Variants in PRKCE observed in about 807,000 individuals in gnomAD.
PRKCE encodes the protein protein kinase C epsilon.
Under a neutral mutation model 85.4 loss-of-function variants are expected in PRKCE, and 16 were observed. The ratio of observed to expected loss-of-function variants is 0.19; its 90% CI spans 0.13 to 0.28. The LOEUF is 0.28. PRKCE is among the 10% of genes least tolerant of loss of function. The pLI, the probability that PRKCE is intolerant of heterozygous loss-of-function variation, is 1.00. For missense variants in PRKCE, 573 were observed against 975.2 expected, an observed-to-expected ratio of 0.59 and a Z score of 5.49; for synonymous variants, 388 against 371.5, an observed-to-expected ratio of 1.04 and a Z score of -0.51.
At chr2:45,735,763 G>A (rs1462641025) in intron 1 of PRKCE, among the ~76,000 whole-genome samples, 2 of 152,220 alleles carry the variant, frequency 1.3e-5, no homozygotes, top group African/African-American at 2.4e-5. Flanking sequence ...AGGAAGGCAA[G>A]CCGGATCCTT....
chr2:46,082,008 T>C (rs1487741969), intron 10 of PRKCE, among the ~76,000 whole-genome samples: 1 of 151,996 alleles, frequency 6.6e-6, no homozygotes, highest in Admixed American at 6.6e-5. Flanking sequence ...GGCAGGAGAA[T>C]CACTTGAACC....
intron 14 of PRKCE, among the ~76,000 whole-genome samples, chr2:46,181,446 C>T (rs1679969746): frequency 6.6e-6 from 1 of 152,178 alleles, no homozygotes; most frequent in Non-Finnish European, 1.5e-5. Flanking sequence ...GGCATACTCT[C>T]TCAAATGCCA....
At chr2:45,781,707 T>C (rs922323912) in intron 1 of PRKCE, among the ~76,000 whole-genome samples, 4 of 152,316 alleles carry the variant, frequency 2.6e-5, no homozygotes, top group Non-Finnish European at 5.9e-5. Context: ...CTGTGTGGTC[T>C]GATCTCTGTG....
At position 45,693,026 on chromosome 2, in the gene PRKCE, T is replaced by A. The variant is rs769653727; in HGVS notation, c.348+40578T>A. Among the ~76,000 whole-genome samples the A allele has an allele frequency of 1.6e-4, 24 of 152,122 alleles. 1 individual carries two copies. Among genetic ancestry groups the A allele is most frequent in the South Asian group, 1.2e-3 (6 of 4,822 alleles). Reference sequence around the variant, plus strand: ...GGAGACTTGAGGCTGACTGAGAGATTCTGCAGGGGGCCAAGGTGGCTCAGG... The same window carrying A: ...GGAGACTTGAGGCTGACTGAGAGATACTGCAGGGGGCCAAGGTGGCTCAGG... On this transcript the variant is annotated intron_variant, in intron 1 of 14. Transcript: ENST00000306156.
At chr2:46,149,060 A>T (rs906473456) in intron 12 of PRKCE, among the ~76,000 whole-genome samples, 6 of 152,222 alleles carry the variant, frequency 3.9e-5, no homozygotes, top group African/African-American at 1.4e-4. Context: ...GAAGATTCTA[A>T]ACTGTGAGTG....
intron 14 of PRKCE, among the ~76,000 whole-genome samples, chr2:46,160,939 C>T (rs1558516309): frequency 6.6e-6 from 1 of 152,318 alleles, no homozygotes; most frequent in East Asian, 1.9e-4. Flanking sequence ...GGTTGAACAT[C>T]CCCGGATGCT....
intron 12 of PRKCE, among the ~76,000 whole-genome samples, chr2:46,149,246 C>A (rs1676371121): frequency 6.6e-6 from 1 of 152,180 alleles, no homozygotes; most frequent in African/African-American, 2.4e-5. Context: ...TTGTCCCCAG[C>A]CTGAGATATT....
At chr2:45,967,514 G>T (rs560897226) in intron 2 of PRKCE, among the ~76,000 whole-genome samples, 5 of 152,262 alleles carry the variant, frequency 3.3e-5, no homozygotes, top group Non-Finnish European at 7.4e-5. Context: ...TTAGGAAGAA[G>T]AACTTCACTT....
At chr2:45,858,181 T>C (rs1388707742) in intron 2 of PRKCE, among the ~76,000 whole-genome samples, 1 of 152,226 alleles carries the variant, frequency 6.6e-6, no homozygotes, top group Non-Finnish European at 1.5e-5. Context: ...TCTCCCTGCC[T>C]GTAACGATGG....
chr2:45,735,848 C>T (rs1309571414), intron 1 of PRKCE, among the ~76,000 whole-genome samples: 1 of 152,156 alleles, frequency 6.6e-6, no homozygotes, highest in Non-Finnish European at 1.5e-5. Flanking sequence ...TCTTGAGTTG[C>T]GGAGGGTTGT....
chr2:45,737,891 C>T (rs1017531052), intron 1 of PRKCE, among the ~76,000 whole-genome samples: 4 of 152,162 alleles, frequency 2.6e-5, no homozygotes, highest in Admixed American at 1.3e-4. Context: ...AACAAATTTA[C>T]ATCCCTCCCC....
At chr2:45,855,663 G>T (rs188992391) in intron 2 of PRKCE, among the ~76,000 whole-genome samples, 3 of 152,192 alleles carry the variant, frequency 2.0e-5, no homozygotes, top group Admixed American at 6.5e-5. Flanking sequence ...GCTTGCTTGT[G>T]TGTCCTGTGA....
intron 11 of PRKCE, among the ~76,000 whole-genome samples, chr2:46,116,565 T>C (rs1157925680): frequency 1.3e-5 from 2 of 152,194 alleles, no homozygotes; most frequent in Non-Finnish European, 2.9e-5. Flanking sequence ...ACCTCTACTG[T>C]CCGCCCTTAA....
intron 2 of PRKCE, chr2:45,852,099 G>A (rs1395943151): frequency 6.6e-6 from 1 of 152,278 alleles, no homozygotes; most frequent in Non-Finnish European, 1.5e-5. Flanking sequence ...GCTGGTACTT[G>A]TCCCAAACTT....
chr2:45,910,059 G>A (rs542987699), intron 2 of PRKCE, among the ~76,000 whole-genome samples: 2 of 150,314 alleles, frequency 1.3e-5, no homozygotes, highest in Non-Finnish European at 3.0e-5. Flanking sequence ...CCCCAGCCAA[G>A]TGCCCAGGAA....
At chr2:46,059,530 G>T (rs1045951215) in intron 10 of PRKCE, among the ~76,000 whole-genome samples, 1 of 152,174 alleles carries the variant, frequency 6.6e-6, no homozygotes, top group Non-Finnish European at 1.5e-5. Flanking sequence ...ATCTTATTCA[G>T]AAAAACTCAG....
At chr2:45,903,888 T>G (rs964366022) in intron 2 of PRKCE, among the ~76,000 whole-genome samples, 1 of 65,072 alleles carries the variant, frequency 1.5e-5, no homozygotes, top group African/African-American at 7.4e-5. Context: ...GCAGTTTTTT[T>G]TTGTTTGTTT....
chr2:45,942,581 A>G (rs1699963301), intron 2 of PRKCE, among the ~76,000 whole-genome samples: 3 of 152,306 alleles, frequency 2.0e-5, no homozygotes, highest in South Asian at 2.1e-4. Context: ...TAGGGTGTGC[A>G]CTCAGTAAAT....
intron 1 of PRKCE, among the ~76,000 whole-genome samples, chr2:45,722,163 C>G (rs1267165233): frequency 6.6e-6 from 1 of 152,084 alleles, no homozygotes; most frequent in African/African-American, 2.4e-5. Context: ...ATGACACTTT[C>G]CAAAACAAAA....
Sources: gnomAD v4.1 joint callset for allele counts (sites outside exome capture counted in the v4.1 genomes callset) on GRCh38, gnomAD v4.1.1 for gene constraint, MANE v1.5 for transcripts, NCBI Gene and HGNC (gene_info 2026-07-23, HGNC 2026-07-21) for gene names.